The following BLNK variants were observed in gnomAD, a reference collection of about 807,000 sequenced individuals.
BLNK encodes the protein B-cell linker protein.
Under a neutral mutation model 73.5 loss-of-function variants are expected in BLNK, and 29 were observed. The ratio of observed to expected loss-of-function variants is 0.39; its 90% CI spans 0.29 to 0.54. The LOEUF is 0.54. Ranked by LOEUF, BLNK falls within the 20% of genes least tolerant of loss-of-function variation. The pLI, the probability that BLNK is intolerant of heterozygous loss-of-function variation, is 0.61. For synonymous variants in BLNK, 176 were observed against 200.8 expected, an observed-to-expected ratio of 0.88 and a Z score of 1.04; for missense variants, 460 against 562.8, an observed-to-expected ratio of 0.82 and a Z score of 1.85.
At chr10:96,232,424 C>T (rs1409808713) in intron 3 of BLNK, among the ~76,000 whole-genome samples, 6 of 152,094 alleles carry the variant, frequency 3.9e-5, no homozygotes, top group African/African-American at 9.7e-5. Flanking sequence ...TATTTCTACC[C>T]CTGCCACAGC....
intron 1 of BLNK, among the ~76,000 whole-genome samples, chr10:96,264,683 C>A (rs1038339820): frequency 5.3e-5 from 8 of 152,014 alleles, no homozygotes; most frequent in Admixed American, 1.3e-4. Flanking sequence ...CCATCGGTTT[C>A]AAAAAAATAT....
intron 5 of BLNK, 65 bp from the exon 6 acceptor site, chr10:96,224,054 C>T: frequency 3.2e-6 from 5 of 1,584,134 alleles, no homozygotes; most frequent in Middle Eastern, 2.3e-4. Flanking sequence ...GGGTGGAAGC[C>T]ATTGAGATCC....
chr10:96,239,352 C>T (rs1842808842), intron 3 of BLNK, among the ~76,000 whole-genome samples: 1 of 152,122 alleles, frequency 6.6e-6, no homozygotes, highest in African/African-American at 2.4e-5. Flanking sequence ...TTCAGGCCTG[C>T]ATAATATAGA....
chr10:96,265,459 T>C (rs1467561116), intron 1 of BLNK, among the ~76,000 whole-genome samples: 1 of 152,238 alleles, frequency 6.6e-6, no homozygotes, highest in Non-Finnish European at 1.5e-5. Context: ...GGAAATCTTT[T>C]CCTGCTCTCA....
chr10:96,257,745 G>A (rs1843576764), intron 1 of BLNK, among the ~76,000 whole-genome samples: 1 of 152,162 alleles, frequency 6.6e-6, no homozygotes, highest in South Asian at 2.1e-4. Context: ...CAAATATTCA[G>A]TGTGTGCACA....
chr10:96,240,598 C>A (rs143100250), intron 3 of BLNK, among the ~76,000 whole-genome samples: 1 of 151,950 alleles, frequency 6.6e-6, no homozygotes, highest in Non-Finnish European at 1.5e-5. Flanking sequence ...ACTGTGTGGC[C>A]ATCAGGATAG....
chr10:96,246,139 TA>T (rs879955139), intron 2 of BLNK, among the ~76,000 whole-genome samples: 51 of 148,000 alleles, frequency 3.4e-4, no homozygotes, highest in African/African-American at 6.7e-4. Context: ...TTATTCTCTT[TA>T]AAAAAAAAAG....
At chr10:96,223,732 TA>T in intron 6 of BLNK, 93 bp downstream of exon 6, 1 of 1,471,570 alleles carries the variant, frequency 6.8e-7, no homozygotes, top group Non-Finnish European at 9.5e-7. Context: ...TAGCAGGTTG[TA>T]AAGAAGGAGG....
intron 1 of BLNK, among the ~76,000 whole-genome samples, chr10:96,259,148 C>A (rs559554737): frequency 1.3e-5 from 2 of 152,252 alleles, no homozygotes; most frequent in African/African-American, 4.8e-5. Flanking sequence ...GCTTCAGCAC[C>A]TACGTTGCCT....
chr10:96,214,840 T>C (rs2084027916), intron 8 of BLNK, among the ~76,000 whole-genome samples: 5 of 152,196 alleles, frequency 3.3e-5, no homozygotes, highest in Non-Finnish European at 7.3e-5. Flanking sequence ...ATTTGCAGAA[T>C]TCTCCTGTCA....
intron 1 of BLNK, among the ~76,000 whole-genome samples, chr10:96,263,687 G>T (rs558497840): frequency 5.3e-5 from 8 of 152,310 alleles, no homozygotes; most frequent in Admixed American, 3.3e-4. Flanking sequence ...TGTGGGGAGG[G>T]CTCTTTTCTT....
chr10:96,223,335 C>T (rs1324337776), intron 6 of BLNK, among the ~76,000 whole-genome samples: 1 of 152,132 alleles, frequency 6.6e-6, no homozygotes, highest in Non-Finnish European at 1.5e-5. Flanking sequence ...AAACAGCGCA[C>T]TGGATCTCTC....
intron 5 of BLNK, among the ~76,000 whole-genome samples, chr10:96,225,594 A>G (rs1229253870): frequency 6.6e-6 from 1 of 151,958 alleles, no homozygotes; most frequent in Admixed American, 6.5e-5. Context: ...GTAATATTTA[A>G]GCCCATCAGA....
At chr10:96,197,947 A>G (rs181615650) in intron 15 of BLNK, among the ~76,000 whole-genome samples, 35 of 151,482 alleles carry the variant, frequency 2.3e-4, no homozygotes, top group Non-Finnish European at 3.5e-4. Context: ...AAAAGAAAAA[A>G]AAATCCCCAA....
chr10:96,232,832 T>C (rs1842556310), intron 3 of BLNK, among the ~76,000 whole-genome samples: 1 of 124,218 alleles, frequency 8.1e-6, no homozygotes, highest in South Asian at 2.5e-4. Flanking sequence ...TTTTTTTTTT[T>C]GAGACAGAGT....
At chr10:96,257,161 G>A (rs1451369797) in intron 1 of BLNK, among the ~76,000 whole-genome samples, 28 of 152,162 alleles carry the variant, frequency 1.8e-4, no homozygotes, top group African/African-American at 4.8e-4. Context: ...CAGGAAAGTA[G>A]GTGTTGAGAG....
At chr10:96,269,601 T>C (rs1474626891) in intron 1 of BLNK, among the ~76,000 whole-genome samples, 1 of 151,914 alleles carries the variant, frequency 6.6e-6, no homozygotes, top group Admixed American at 6.6e-5. Context: ...ACCAGATCCC[T>C]GCCTCCAGTG....
At chr10:96,218,923 T>A (rs2134008037) in intron 6 of BLNK, among the ~76,000 whole-genome samples, 1 of 152,346 alleles carries the variant, frequency 6.6e-6, no homozygotes, top group East Asian at 1.9e-4. Context: ...AGAGATGATC[T>A]GGCTGAGGGA....
intron 1 of BLNK, 90 bp from the exon 2 acceptor site, chr10:96,247,139 GA>G (rs1242058112): frequency 5.7e-6 from 5 of 884,512 alleles, no homozygotes; most frequent in Non-Finnish European, 7.0e-6. Context: ...CAAAAAAGGG[GA>G]AAAAACTCTA....
Sources: gnomAD v4.1 joint callset for allele counts (sites outside exome capture counted in the v4.1 genomes callset) on GRCh38, gnomAD v4.1.1 for gene constraint, MANE v1.5 for transcripts, NCBI Gene and HGNC (gene_info 2026-07-23, HGNC 2026-07-21) for gene names.